Variants in CACNB2 observed in about 807,000 individuals in gnomAD.
The protein encoded by CACNB2 is calcium voltage-gated channel auxiliary subunit beta 2.
Under a neutral mutation model 73.3 loss-of-function variants are expected in CACNB2, and 42 were observed. The ratio of observed to expected loss-of-function variants is 0.57; its 90% confidence interval spans 0.45 to 0.74. The LOEUF is 0.74. Among genes scored for constraint, CACNB2 ranks in the 30% least tolerant of loss-of-function variants. The pLI, the probability that CACNB2 is intolerant of heterozygous loss-of-function variation, is 0.00. For synonymous variants in CACNB2, 348 were observed against 310.3 expected (o/e 1.12, Z -1.28); for missense variants, 940 against 853.0 (o/e 1.10, Z -1.27).
chr10:18,288,913 C>T (rs1223009811), intron 2 of CACNB2, among the ~76,000 whole-genome samples: 1 of 152,102 alleles, frequency 6.6e-6, no homozygotes, highest in African/African-American at 2.4e-5. Flanking sequence ...GGCATGGCAG[C>T]ACATGCCTGT....
chr10:18,252,926 A>G (rs1233632915), intron 2 of CACNB2, among the ~76,000 whole-genome samples: 1 of 152,216 alleles, frequency 6.6e-6, no homozygotes, highest in African/African-American at 2.4e-5. Flanking sequence ...GGATTGGTTA[A>G]TTAACCATTA....
intron 2 of CACNB2, among the ~76,000 whole-genome samples, chr10:18,283,819 A>G (rs1385098860): frequency 6.6e-6 from 1 of 152,164 alleles, no homozygotes; most frequent in East Asian, 1.9e-4. Context: ...AAAGTATAAT[A>G]AAAAAATTAA....
intron 3 of CACNB2, among the ~76,000 whole-genome samples, chr10:18,417,766 C>T (rs1403519380): frequency 6.6e-6 from 1 of 151,788 alleles, no homozygotes; most frequent in African/African-American, 2.4e-5. Context: ...ATGCCTTTTC[C>T]TGTAGAGAAA....
At chr10:18,210,464 G>C (rs1310113354) in intron 2 of CACNB2, among the ~76,000 whole-genome samples, 3 of 152,104 alleles carry the variant, frequency 2.0e-5, no homozygotes, top group East Asian at 1.9e-4. Context: ...GAAGCTGGTG[G>C]GGGTTGGGGT....
At chr10:18,428,212 T>C (rs1336067601) in intron 3 of CACNB2, among the ~76,000 whole-genome samples, 1 of 152,154 alleles carries the variant, frequency 6.6e-6, no homozygotes, top group Non-Finnish European at 1.5e-5. Flanking sequence ...AGAGAGCTCT[T>C]TTTTTTATTT....
chr10:18,359,332 C>T lies in CACNB2; in HGVS notation c.214-42592C>T, dbSNP rs188186436. 4.9e-3 allele frequency among the ~76,000 whole-genome samples: 747 copies of T among 152,154 alleles called. 1 individual carries two copies. The highest frequency in any genetic ancestry group is 7.4e-3 in the Non-Finnish European group (501 of 67,998). Reference sequence around the variant, plus strand: ...TGTCACCCAGGCTAGAGTGCAGTGGCGCCATCTCGGCTCACTGCAACCTCT... The same window carrying T: ...TGTCACCCAGGCTAGAGTGCAGTGGTGCCATCTCGGCTCACTGCAACCTCT... On this transcript the variant is annotated intron_variant, in intron 2 of 13. Coordinates refer to ENST00000324631, the MANE Select transcript of CACNB2 (RefSeq NM_201596.3).
chr10:18,443,018 A>ATATATATATG lies in CACNB2; in HGVS notation c.333+40984_333+40985insGTATATATAT, dbSNP rs1564554325. On this transcript the variant is annotated intron_variant, in intron 3 of 13. Coordinates refer to ENST00000324631, the MANE Select transcript of CACNB2 (RefSeq NM_201596.3). ...TATATGTGTATATATATATATGTAT[A>ATATATATATG]TATATATATATATATATAAATAAGG... 1.0e-3 allele frequency among the ~76,000 whole-genome samples: 71 copies of ATATATATATG among 69,984 alleles called. 9 individuals are homozygous for ATATATATATG. The East Asian group carries it at 0.013, about 13-fold the overall frequency. The allele number at this position is 69,984 out of a possible 152,430, so 45.9% of individuals were successfully genotyped here. A position where few individuals can be genotyped will look rare whatever the true frequency, so the allele number is the denominator to read the frequency against.
intron 3 of CACNB2, among the ~76,000 whole-genome samples, chr10:18,487,303 G>C (rs1451896728): frequency 6.6e-6 from 1 of 152,190 alleles, no homozygotes; most frequent in African/African-American, 2.4e-5. Context: ...TACCTGTGCA[G>C]ACTTTTAGCT....
intron 2 of CACNB2, among the ~76,000 whole-genome samples, chr10:18,188,170 GGCCATTTT>G (rs1344931619): frequency 6.6e-6 from 1 of 151,762 alleles, no homozygotes; most frequent in Non-Finnish European, 1.5e-5. Context: ...AACTTTACAG[GGCCATTTT>G]GCTTGCTTAT....
intron 3 of CACNB2, among the ~76,000 whole-genome samples, chr10:18,450,010 C>A (rs2046939492): frequency 6.6e-6 from 1 of 152,226 alleles, no homozygotes; most frequent in Non-Finnish European, 1.5e-5. Context: ...AGAAAGAAAG[C>A]ACTTCATCAG....
intron 10 of CACNB2, among the ~76,000 whole-genome samples, chr10:18,531,228 C>A (rs533081802): frequency 9.2e-5 from 14 of 152,214 alleles, no homozygotes; most frequent in African/African-American, 3.4e-4. Context: ...TTACAGAAAC[C>A]TCCTTCTAAA....
chr10:18,467,268 C>G (rs768157479), intron 3 of CACNB2, among the ~76,000 whole-genome samples: 4 of 152,184 alleles, frequency 2.6e-5, no homozygotes, highest in African/African-American at 4.8e-5. Context: ...ACTTTGCATT[C>G]TCCTTTTGCC....
chr10:18,263,225 T>C (rs1458633657), intron 2 of CACNB2, among the ~76,000 whole-genome samples: 1 of 152,210 alleles, frequency 6.6e-6, no homozygotes, highest in Non-Finnish European at 1.5e-5. Context: ...ATTTTTTTCC[T>C]TGAAGGAAAA....
At chr10:18,334,153 T>G (rs553828737) in intron 2 of CACNB2, among the ~76,000 whole-genome samples, 32 of 152,282 alleles carry the variant, frequency 2.1e-4, no homozygotes, top group Non-Finnish European at 3.2e-4. Context: ...TTTCACTGTT[T>G]AGCAAAGACA....
intron 2 of CACNB2, among the ~76,000 whole-genome samples, chr10:18,228,977 A>G (rs2036124339): frequency 1.3e-5 from 2 of 152,110 alleles, no homozygotes; most frequent in Non-Finnish European, 2.9e-5. Flanking sequence ...CCTGACCTCA[A>G]GTGATCCACC....
chr10:18,180,982 C>G (rs1279498802), intron 2 of CACNB2, among the ~76,000 whole-genome samples: 2 of 134,812 alleles, frequency 1.5e-5, no homozygotes, highest in Non-Finnish European at 3.2e-5. Flanking sequence ...CAAAACAAAA[C>G]AAAACAAAAA....
Position 18,384,656 on chromosome 10 carries a change from G to A in CACNB2, c.214-17268G>A, listed in dbSNP as rs376112742. On this transcript the variant is annotated intron_variant, in intron 2 of 13. Transcript: ENST00000324631. ...GAGGTGGGAGGATCACTTGAGCCTG[G>A]AAGGTGGAGGTTGCAGCGAGCTGAG... Among the ~76,000 whole-genome samples the A allele has an allele frequency of 2.0e-4, 30 of 152,172 alleles. No homozygotes were observed. The East Asian group carries it at 3.5e-3, about 18-fold the overall frequency.
intron 3 of CACNB2, among the ~76,000 whole-genome samples, chr10:18,442,565 G>A (rs937065359): frequency 6.6e-5 from 10 of 151,584 alleles, no homozygotes; most frequent in African/African-American, 2.4e-4. Flanking sequence ...AGTGGCTCAC[G>A]CCTGTAATCC....
At chr10:18,507,246 G>A (rs2050540410) in intron 6 of CACNB2, among the ~76,000 whole-genome samples, 1 of 152,084 alleles carries the variant, frequency 6.6e-6, no homozygotes, top group African/African-American at 2.4e-5. Context: ...AGGAACAGAG[G>A]GTAAAGTGAA....
Sources: allele counts gnomAD v4.1 joint callset (sites outside exome capture counted in the v4.1 genomes callset), GRCh38; gene constraint gnomAD v4.1.1; transcripts MANE v1.5; gene names NCBI Gene and HGNC (gene_info 2026-07-23, HGNC 2026-07-21).